Variants in EPHA4 observed in about 807,000 individuals in gnomAD.
The protein encoded by EPHA4 is ephrin type-A receptor 4.
EPHA4 carries 19 observed loss-of-function variants against 108.3 expected under a neutral mutation model. The ratio of observed to expected loss-of-function variants is 0.18; its 90% CI spans 0.12 to 0.26. EPHA4 has a LOEUF of 0.26. Ranked by LOEUF, EPHA4 falls within the 10% of genes least tolerant of loss-of-function variation. The probability of loss-of-function intolerance (pLI) is 1.00; values close to 1 mark genes in which losing one functional copy is unlikely to be tolerated. For synonymous variants in EPHA4, 449 were observed against 455.5 expected (o/e 0.99, Z 0.18); for missense variants, 917 against 1,254.0 (o/e 0.73, Z 4.06).
chr2:221,475,843 A>G (rs1691638043), intron 5 of EPHA4, among the ~76,000 whole-genome samples: 1 of 152,176 alleles, frequency 6.6e-6, no homozygotes, highest in Admixed American at 6.5e-5. Context: ...CCCAATCTGG[A>G]GGATTCGATT....
chr2:221,448,685 G>T (rs1450474383), intron 8 of EPHA4, among the ~76,000 whole-genome samples: 1 of 152,170 alleles, frequency 6.6e-6, no homozygotes, highest in Non-Finnish European at 1.5e-5. Flanking sequence ...CTGAAACATT[G>T]TGTCTTATCA....
Position 221,425,350 on chromosome 2 carries a change from C to T in EPHA4, c.*678G>A, listed in dbSNP as rs1254062990. The T allele has an allele frequency of 6.6e-6, 1 of 152,626 alleles. No homozygotes were observed. Among genetic ancestry groups the T allele is most frequent in the African/African-American group, 2.4e-5 (1 of 41,424 alleles). The allele number at this position is 152,626 out of a possible 1,614,324, so 9.5% of individuals were successfully genotyped here. A position where few individuals can be genotyped will look rare whatever the true frequency, so the allele number is the denominator to read the frequency against. The stretch of plus-strand genomic sequence containing the variant: ...AGACTTTATATGGCACAGCCTCAGG[C>T]CCAAAGAAACAGACCTCATTTGTCC... On this transcript the variant is annotated 3_prime_UTR_variant, in exon 17 of 18. Coordinates refer to ENST00000281821, the MANE Select transcript of EPHA4 (RefSeq NM_004438.5).
intron 3 of EPHA4, among the ~76,000 whole-genome samples, chr2:221,549,923 G>A (rs1174514031): frequency 6.6e-6 from 1 of 152,170 alleles, no homozygotes; most frequent in Admixed American, 6.5e-5. Flanking sequence ...CCAGGGATGG[G>A]GAGGTTGCAG....
At position 221,571,043 on chromosome 2, in the gene EPHA4, A is replaced by T. The variant is rs891160017; in HGVS notation, c.91+1115T>A. ...ACAGAGCACGAGCATACACTCGAAC[A>T]CACGCGCACACACTCAGGACATCTG... On this transcript the variant is annotated intron_variant, in intron 1 of 17. Transcript: ENST00000281821. This position sits in a 1 kb window ranked among gnomAD's most constrained non-coding sequence, Gnocchi z 6.3. Among the ~76,000 whole-genome samples, 1 of 152,208 alleles carries T rather than the reference A, an allele frequency of 6.6e-6. No individual in the cohort carries two copies. Among genetic ancestry groups the T allele is most frequent in the Non-Finnish European group, 1.5e-5 (1 of 68,040 alleles).
Position 221,557,471 on chromosome 2 carries a change from G to A in EPHA4, c.823+6260C>T, listed in dbSNP as rs141693499. ...TGTGCCAGGCCCTTTATACATTCAT[G>A]CATATATGTGTGTCATATATAATAA... On this transcript the variant is annotated intron_variant, in intron 3 of 17. Coordinates refer to ENST00000281821, the MANE Select transcript of EPHA4 (RefSeq NM_004438.5). 1.6e-3 allele frequency among the ~76,000 whole-genome samples: 245 copies of A among 152,246 alleles called. 2 individuals are homozygous for A. The highest frequency in any genetic ancestry group is 5.7e-3 in the African/African-American group (238 of 41,530).
chr2:221,556,155 T>G (rs1274947552), intron 3 of EPHA4, among the ~76,000 whole-genome samples: 1 of 152,182 alleles, frequency 6.6e-6, no homozygotes, highest in East Asian at 1.9e-4. Flanking sequence ...AAATTGAAAC[T>G]GAAAAATAAA....
At chr2:221,547,136 TC>T (rs535785816) in intron 3 of EPHA4, among the ~76,000 whole-genome samples, 35 of 152,352 alleles carry the variant, frequency 2.3e-4, no homozygotes, top group African/African-American at 8.4e-4. Flanking sequence ...CCATCTTTTT[TC>T]CCTTTTCTTC....
At chr2:221,503,517 A>G (rs1025095560) in intron 3 of EPHA4, among the ~76,000 whole-genome samples, 1 of 152,254 alleles carries the variant, frequency 6.6e-6, no homozygotes, top group Non-Finnish European at 1.5e-5. Context: ...TGTGAATTTA[A>G]GAAAAAAGTG....
At chr2:221,555,221 C>T (rs1480749191) in intron 3 of EPHA4, among the ~76,000 whole-genome samples, 1 of 152,182 alleles carries the variant, frequency 6.6e-6, no homozygotes, top group East Asian at 1.9e-4. Flanking sequence ...CTCTGCCTCC[C>T]ACCCCTGATC....
At chr2:221,519,921 T>A (rs1379087880) in intron 3 of EPHA4, among the ~76,000 whole-genome samples, 1 of 151,950 alleles carries the variant, frequency 6.6e-6, no homozygotes, top group African/African-American at 2.4e-5. Flanking sequence ...AGCCTCGCCC[T>A]TTCTCTCCCT....
At chr2:221,512,196 A>G (rs918774788) in intron 3 of EPHA4, among the ~76,000 whole-genome samples, 5 of 152,222 alleles carry the variant, frequency 3.3e-5, no homozygotes, top group Non-Finnish European at 7.3e-5. Flanking sequence ...GCTGAAGTTT[A>G]TATTAGGAAT....
At chr2:221,514,838 G>A (rs1692942484) in intron 3 of EPHA4, among the ~76,000 whole-genome samples, 5 of 152,140 alleles carry the variant, frequency 3.3e-5, no homozygotes, top group Admixed American at 3.3e-4. Flanking sequence ...AAGAAAAAGT[G>A]GAACAACTGT....
At chr2:221,500,062 T>C (rs1364754627) in intron 4 of EPHA4, among the ~76,000 whole-genome samples, 1 of 151,904 alleles carries the variant, frequency 6.6e-6, no homozygotes, top group African/African-American at 2.4e-5. Context: ...CGGCCAAAGC[T>C]AAAATATATG....
intron 1 of EPHA4, among the ~76,000 whole-genome samples, chr2:221,570,932 T>A (rs1342935125): frequency 6.6e-6 from 1 of 151,344 alleles, no homozygotes; most frequent in Non-Finnish European, 1.5e-5. Context: ...GACGGACGGA[T>A]AGATAGATGG....
intron 3 of EPHA4, among the ~76,000 whole-genome samples, chr2:221,541,887 G>C (rs558799511): frequency 1.7e-4 from 26 of 152,258 alleles, no homozygotes; most frequent in Non-Finnish European, 2.8e-4. Flanking sequence ...GCATGCAGCA[G>C]CATTTCTTTC....
intron 5 of EPHA4, among the ~76,000 whole-genome samples, chr2:221,480,179 C>T (rs1315167062): frequency 1.3e-5 from 2 of 151,852 alleles, no homozygotes; most frequent in Non-Finnish European, 2.9e-5. Flanking sequence ...CAAATCCCTA[C>T]GTGTACAGGG....
intron 3 of EPHA4, among the ~76,000 whole-genome samples, chr2:221,516,944 C>T (rs1432732618): frequency 6.6e-6 from 1 of 152,138 alleles, no homozygotes; most frequent in African/African-American, 2.4e-5. Context: ...CTCTTTTTGT[C>T]ACTTATTAAA....
rs34200694 is a variant in EPHA4, at chr2:221,432,818, A to ATTT, written c.2496+1321_2496+1323dup. On this transcript the variant is annotated intron_variant, in intron 14 of 17. Coordinates refer to ENST00000281821, the MANE Select transcript of EPHA4 (RefSeq NM_004438.5). ...ACCACCACGCCCAGCAAATCTTTGTATTTTTTTTTTTTTTTTTTTTTTTTG... is the reference window on the plus strand; with the variant it reads ...ACCACCACGCCCAGCAAATCTTTGTATTTTTTTTTTTTTTTTTTTTTTTTTTTG... 1.8e-3 allele frequency among the ~76,000 whole-genome samples: 163 copies of ATTT among 89,050 alleles called. 1 individual carries two copies. Among genetic ancestry groups the ATTT allele is most frequent in the Non-Finnish European group, 2.3e-3 (108 of 46,296 alleles). The allele number at this position is 89,050 out of a possible 152,430, so 58.4% of individuals were successfully genotyped here.
intron 4 of EPHA4, among the ~76,000 whole-genome samples, chr2:221,499,416 G>C (rs1427360025): frequency 6.7e-6 from 1 of 149,826 alleles, no homozygotes; most frequent in Non-Finnish European, 1.5e-5. Context: ...CACGTATTAA[G>C]ATTTTTTTCA....
Sources: allele counts gnomAD v4.1 joint callset (sites outside exome capture counted in the v4.1 genomes callset), GRCh38; gene constraint gnomAD v4.1.1; non-coding constraint Gnocchi (gnomAD v3.1); transcripts MANE v1.5; gene names NCBI Gene and HGNC (gene_info 2026-07-23, HGNC 2026-07-21).